The following DIPK2A variants were observed in gnomAD, a reference collection of about 807,000 sequenced individuals.
DIPK2A encodes the protein Golgi Protein of 49 kDa.
Under a neutral mutation model 39.0 loss-of-function variants are expected in DIPK2A, and 27 were observed. That is an observed-to-expected ratio of 0.69 (90% CI 0.51 to 0.96). The LOEUF (loss-of-function observed/expected upper bound fraction) is 0.96. Among genes scored for constraint, DIPK2A ranks in the 40% least tolerant of loss-of-function variants. DIPK2A has a pLI of 0.00. For missense variants in DIPK2A, 528 were observed against 571.3 expected (o/e 0.92, Z 0.77); for synonymous variants, 298 against 240.8 (o/e 1.24, Z -2.20).
At position 143,992,102 on chromosome 3, in the gene DIPK2A, T is replaced by C. The variant is rs1051022981; in HGVS notation, c.*2261T>C. On this transcript the variant is annotated 3_prime_UTR_variant, in exon 3 of 3. Transcript: ENST00000315691. ...ATATGTAAGTGAAAAGCAATAAATA[T>C]TTTGTTCACTTTGCTATCAAGATGT... The C allele has an allele frequency of 2.0e-5, 3 of 152,630 alleles. No homozygotes were observed. The highest frequency in any genetic ancestry group is 4.8e-5 in the African/African-American group (2 of 41,446). The allele number at this position is 152,630 out of a possible 1,614,324, so 9.5% of individuals were successfully genotyped here.
rs2087956256 is a variant in DIPK2A, at chr3:143,989,878, A to G, written c.*37A>G. 1 of 1,505,064 alleles carries G rather than the reference A, an allele frequency of 6.6e-7. No homozygotes were observed. Among genetic ancestry groups the G allele is most frequent in the Non-Finnish European group, 9.1e-7 (1 of 1,097,946 alleles). 93.2% of individuals were successfully genotyped at this position (1,505,064 alleles called of 1,614,324 possible). ...CTTTTCTTTTTTTCTCCATTTAAACAGCACTGGCTAAAACTAAACCACCAA... is the reference window on the plus strand; with the variant it reads ...CTTTTCTTTTTTTCTCCATTTAAACGGCACTGGCTAAAACTAAACCACCAA... On this transcript the variant is annotated 3_prime_UTR_variant, in exon 3 of 3. Coordinates refer to ENST00000315691, the MANE Select transcript of DIPK2A (RefSeq NM_173552.5).
intron 1 of DIPK2A, among the ~76,000 whole-genome samples, chr3:143,976,875 T>C (rs780817611): frequency 4.6e-5 from 7 of 152,064 alleles, no homozygotes; most frequent in Non-Finnish European, 7.4e-5. Context: ...ACGTAGTATC[T>C]GGTAAATTGT....
intron 1 of DIPK2A, among the ~76,000 whole-genome samples, chr3:143,978,691 T>TATATATATCTATATATAG (rs1559854348): frequency 7.5e-6 from 1 of 133,270 alleles, no homozygotes; most frequent in African/African-American, 3.0e-5. Context: ...TCTATATATA[T>TATATATATCTATATATAG]ATATATATAT....
Position 143,972,668 on chromosome 3 carries a change from C to G in DIPK2A, c.336C>G (p.Leu112=). 6.2e-7 allele frequency: 1 copy of G among 1,609,092 alleles called. No individual in the cohort carries two copies. The highest frequency in any genetic ancestry group is 8.5e-7 in the Non-Finnish European group (1 of 1,178,164). The change falls in exon 1 of 3, where the codon CTC becomes CTG. Residue 112 remains leucine, a synonymous_variant. Coordinates refer to ENST00000315691, the MANE Select transcript of DIPK2A (RefSeq NM_173552.5). ...GGRRRVVLKR[L]GSQRELAQLD... ...GCCGCCGAGTGGTGCTCAAGCGCCT[C>G]GGCTCGCAGCGCGAGCTGGCGCAGC... is the stretch of plus-strand genomic sequence containing the variant.
At chr3:143,982,472 A>G (rs868223331) in intron 1 of DIPK2A, among the ~76,000 whole-genome samples, 5 of 152,230 alleles carry the variant, frequency 3.3e-5, no homozygotes, top group African/African-American at 9.6e-5. Context: ...AGAATTTTCA[A>G]CCTAGAATTT....
At chr3:143,978,642 ATATATATATATATATATC>A (rs2087775041) in intron 1 of DIPK2A, 1 of 34,518 alleles carries the variant, frequency 2.9e-5, no homozygotes, top group African/African-American at 1.8e-4. Flanking sequence ...ATATATATCT[ATATATATATATATATATC>A]TATATATAGA....
rs1280321192 is a variant in DIPK2A at position 143,972,219 on chromosome 3, C to A, written c.-114C>A. The A allele has an allele frequency of 9.9e-7, 1 of 1,010,910 alleles. No individual in the cohort carries two copies. The highest frequency in any genetic ancestry group is 1.3e-6 in the Non-Finnish European group (1 of 755,588). 62.6% of individuals were successfully genotyped at this position (1,010,910 alleles called of 1,614,324 possible). On this transcript the variant is annotated 5_prime_UTR_variant, in exon 1 of 3. Transcript: ENST00000315691. ...ACCTACTCCGCCCTCCGCCCCAGCC[C>A]GCGCGCTAGCTCCTTCTCTCGCCCG... is the stretch of plus-strand genomic sequence containing the variant.
intron 1 of DIPK2A, among the ~76,000 whole-genome samples, chr3:143,984,182 A>C (rs977533312): frequency 2.0e-5 from 3 of 152,252 alleles, no homozygotes; most frequent in Admixed American, 2.0e-4. Context: ...TCTTTTATCC[A>C]GATCACTAAA....
In DIPK2A at chr3:143,990,849, G is replaced by C. The variant is rs779167386; in HGVS notation, c.*1008G>C. On this transcript the variant is annotated 3_prime_UTR_variant, in exon 3 of 3. Transcript: ENST00000315691. ...TTTAGCTCTGTCATTATTAAATTCAGATCTTCCTGATTATTTTTTCTGTTG... is the reference window on the plus strand; with the variant it reads ...TTTAGCTCTGTCATTATTAAATTCACATCTTCCTGATTATTTTTTCTGTTG... 7 of 152,524 alleles carry C rather than the reference G, an allele frequency of 4.6e-5. No individual in the cohort carries two copies. The highest frequency in any genetic ancestry group is 8.8e-5 in the Non-Finnish European group (6 of 68,000). 9.4% of individuals were successfully genotyped at this position (152,524 alleles called of 1,614,324 possible). A position where few individuals can be genotyped will look rare whatever the true frequency, so the allele number is the denominator to read the frequency against.
At chr3:143,977,495 A>C (rs760805095) in intron 1 of DIPK2A, among the ~76,000 whole-genome samples, 39 of 152,188 alleles carry the variant, frequency 2.6e-4, no homozygotes, top group Non-Finnish European at 4.4e-4. Flanking sequence ...TTTAAGGGGA[A>C]ATATGTGGAG....
chr3:143,978,436 C>T (rs943601791), intron 1 of DIPK2A: 1 of 152,048 alleles, frequency 6.6e-6, no homozygotes, highest in African/African-American at 2.4e-5. Context: ...CTGAATTTGT[C>T]TGTTCATTTT....
rs1019543254 is a variant in DIPK2A, at chr3:143,972,175, C to G, written c.-158C>G. 3.6e-6 allele frequency: 2 copies of G among 554,374 alleles called. No individual in the cohort carries two copies. The highest frequency in any genetic ancestry group is 5.6e-6 in the Non-Finnish European group (2 of 357,750). The allele number at this position is 554,374 out of a possible 1,614,324, so 34.3% of individuals were successfully genotyped here. On this transcript the variant is annotated 5_prime_UTR_variant, in exon 1 of 3. Coordinates refer to ENST00000315691, the MANE Select transcript of DIPK2A (RefSeq NM_173552.5). ...GCTCAGGCCCGCGCCTTCCCGCTCCCCGTCTTCCTCTCTCACACACCTACT... is the reference window on the plus strand; with the variant it reads ...GCTCAGGCCCGCGCCTTCCCGCTCCGCGTCTTCCTCTCTCACACACCTACT...
At chr3:143,973,533 A>T (rs753739010) in intron 1 of DIPK2A, 5 of 1,548,620 alleles carry the variant, frequency 3.2e-6, no homozygotes, top group Non-Finnish European at 4.4e-6. Context: ...GTTGGGGAGG[A>T]TGAAGTCGGA....
In DIPK2A at chr3:143,992,297, C is replaced by T. The variant is rs1207286028; in HGVS notation, c.*2456C>T. The T allele has an allele frequency of 6.6e-6, 1 of 152,558 alleles. No homozygotes were observed. The highest frequency in any genetic ancestry group is 1.5e-5 in the Non-Finnish European group (1 of 68,024). The allele number at this position is 152,558 out of a possible 1,614,324, so 9.5% of individuals were successfully genotyped here. A position where few individuals can be genotyped will look rare whatever the true frequency, so the allele number is the denominator to read the frequency against. On this transcript the variant is annotated 3_prime_UTR_variant, in exon 3 of 3. Transcript: ENST00000315691. ...TTGAATATTTTATTGAACTGTCTCC[C>T]TGTGCCTTTATAATATAAAGTTGTT...
At chr3:143,977,992 TTTGTC>T (rs1457525780) in intron 1 of DIPK2A, among the ~76,000 whole-genome samples, 5 of 152,054 alleles carry the variant, frequency 3.3e-5, no homozygotes, top group Non-Finnish European at 1.5e-5. Flanking sequence ...TTTGTATACT[TTTGTC>T]TAGTCTTTGA....
intron 2 of DIPK2A, among the ~76,000 whole-genome samples, chr3:143,986,889 T>C (rs1168014063): frequency 1.3e-5 from 2 of 152,010 alleles, no homozygotes; most frequent in African/African-American, 4.8e-5. Flanking sequence ...TTCCCCCTGA[T>C]AAAAGTAATA....
chr3:143,979,724 G>A (rs2087801304), intron 1 of DIPK2A, among the ~76,000 whole-genome samples: 1 of 151,984 alleles, frequency 6.6e-6, no homozygotes, highest in South Asian at 2.1e-4. Context: ...CATTTCTTAA[G>A]CAATTTATTC....
At position 143,982,572 on chromosome 3, in the gene DIPK2A, C is replaced by T. The variant is rs76506878; in HGVS notation, c.658-2971C>T. 2.6e-5 allele frequency among the ~76,000 whole-genome samples: 4 copies of T among 152,180 alleles called. No homozygotes were observed. In the South Asian group the frequency reaches 8.3e-4, roughly 32 times the overall value. On this transcript the variant is annotated intron_variant, in intron 1 of 2. Transcript: ENST00000315691. Reference sequence around the variant, plus strand: ...GCTGAGAGATTTTGTCACCACCAGGCCTGCCTTACAAGACCTCCTGAAGGA... The same window carrying T: ...GCTGAGAGATTTTGTCACCACCAGGTCTGCCTTACAAGACCTCCTGAAGGA...
At chr3:143,987,330 G>T (rs1304245896) in intron 2 of DIPK2A, among the ~76,000 whole-genome samples, 1 of 152,012 alleles carries the variant, frequency 6.6e-6, no homozygotes, top group East Asian at 1.9e-4. Context: ...GACATTCCTG[G>T]AATAATTATT....
Sources: gnomAD v4.1 joint callset for allele counts (sites outside exome capture counted in the v4.1 genomes callset) on GRCh38, gnomAD v4.1.1 for gene constraint, MANE v1.5 for transcripts, NCBI Gene and HGNC (gene_info 2026-07-23, HGNC 2026-07-21) for gene names.